CFAP299: variants seen among roughly 807,000 people sequenced by gnomAD.
CFAP299 encodes the protein cilia and flagella associated protein 299.
Under a neutral mutation model 27.0 loss-of-function variants are expected in CFAP299, and 21 were observed. That is an observed-to-expected ratio of 0.78 (90% CI 0.55 to 1.12). The LOEUF is 1.12. Among genes scored for constraint, CFAP299 ranks in the 50% most tolerant of loss-of-function variants. The pLI is 0.00. For missense variants in CFAP299, 310 were observed against 276.6 expected, an observed-to-expected ratio of 1.12 and a Z score of -0.86; for synonymous variants, 104 against 98.1, an observed-to-expected ratio of 1.06 and a Z score of -0.36.
At chr4:80,476,401 A>G (rs1578488685) in intron 2 of CFAP299, among the ~76,000 whole-genome samples, 1 of 152,124 alleles carries the variant, frequency 6.6e-6, no homozygotes, top group East Asian at 1.9e-4. Flanking sequence ...TAGTGGCTGC[A>G]GTGGGGAGAG....
intron 3 of CFAP299, among the ~76,000 whole-genome samples, chr4:80,740,662 G>A (rs528106099): frequency 6.6e-6 from 1 of 152,280 alleles, no homozygotes; most frequent in African/African-American, 2.4e-5. Flanking sequence ...TGCTCGTTAG[G>A]AGCCAGGAAT....
At chr4:80,626,866 G>T (rs1191915049) in intron 3 of CFAP299, among the ~76,000 whole-genome samples, 1 of 151,220 alleles carries the variant, frequency 6.6e-6, no homozygotes, top group Non-Finnish European at 1.5e-5. Flanking sequence ...TCCTATCAAA[G>T]AAGAGTCTGG....
chr4:80,569,995 AAAAG>A (rs148097757), intron 2 of CFAP299, among the ~76,000 whole-genome samples: 4,380 of 152,132 alleles, frequency 0.029, 89 homozygotes, highest in Middle Eastern at 0.059. Flanking sequence ...GACATTTTGA[AAAAG>A]AAAGGATAAG....
intron 3 of CFAP299, among the ~76,000 whole-genome samples, chr4:80,784,137 T>C (rs542207135): frequency 6.6e-6 from 1 of 152,314 alleles, no homozygotes; most frequent in African/African-American, 2.4e-5. Context: ...TGTATCTTCA[T>C]TATTGTGAAT....
intron 3 of CFAP299, among the ~76,000 whole-genome samples, chr4:80,684,828 C>A (rs1158505651): frequency 6.6e-6 from 1 of 151,652 alleles, no homozygotes; most frequent in East Asian, 1.9e-4. Context: ...TCTGTATATT[C>A]TCAAGCCTAC....
At chr4:80,860,718 C>G (rs921485321) in intron 3 of CFAP299, among the ~76,000 whole-genome samples, 4 of 152,170 alleles carry the variant, frequency 2.6e-5, no homozygotes, top group African/African-American at 4.8e-5. Context: ...GTCTGCAGAA[C>G]AGTGGTTTTT....
intron 3 of CFAP299, among the ~76,000 whole-genome samples, chr4:80,749,082 T>G (rs1242926303): frequency 1.3e-5 from 2 of 152,200 alleles, no homozygotes; most frequent in Non-Finnish European, 2.9e-5. Context: ...TATATCAGCA[T>G]ATCCTGAGAT....
chr4:80,512,732 G>A (rs1038189989), intron 2 of CFAP299, among the ~76,000 whole-genome samples: 6 of 152,026 alleles, frequency 3.9e-5, no homozygotes, highest in Admixed American at 2.6e-4. Context: ...TGTCAAAAAA[G>A]AGATGATTAA....
At chr4:80,715,419 C>T (rs1481230866) in intron 3 of CFAP299, among the ~76,000 whole-genome samples, 1 of 151,976 alleles carries the variant, frequency 6.6e-6, no homozygotes. Context: ...AATAACAGAT[C>T]AAGCAATACT....
chr4:80,667,145 A>G (rs1208952067), intron 3 of CFAP299, among the ~76,000 whole-genome samples: 2 of 152,190 alleles, frequency 1.3e-5, no homozygotes, highest in African/African-American at 4.8e-5. Flanking sequence ...CTTTATCCCC[A>G]TAAGAAAAGT....
At chr4:80,886,832 C>A (rs1399076571) in intron 4 of CFAP299, among the ~76,000 whole-genome samples, 1 of 151,922 alleles carries the variant, frequency 6.6e-6, no homozygotes, top group Non-Finnish European at 1.5e-5. Flanking sequence ...TTCAAGATAA[C>A]CCAGAGAAGT....
At chr4:80,364,931 A>G (rs1265789063) in intron 2 of CFAP299, among the ~76,000 whole-genome samples, 1 of 152,220 alleles carries the variant, frequency 6.6e-6, no homozygotes, top group East Asian at 1.9e-4. Context: ...TGCAAAGGAC[A>G]TCATCTCATT....
chr4:80,954,795 C>G (rs1028456376), intron 5 of CFAP299, among the ~76,000 whole-genome samples: 1 of 151,618 alleles, frequency 6.6e-6, no homozygotes, highest in Non-Finnish European at 1.5e-5. Flanking sequence ...GTCAGGTGAT[C>G]GAGACCATCC....
intron 3 of CFAP299, among the ~76,000 whole-genome samples, chr4:80,586,540 G>T (rs1736452038): frequency 6.6e-6 from 1 of 152,116 alleles, no homozygotes; most frequent in South Asian, 2.1e-4. Flanking sequence ...AGGAACGACT[G>T]TCCATTTTAA....
At chr4:80,387,061 AGGGGAAGTT>A (rs1427319404) in intron 2 of CFAP299, 4 of 1,423,086 alleles carry the variant, frequency 2.8e-6, no homozygotes, top group Non-Finnish European at 4.0e-6. Context: ...CAGTGTGGGC[AGGGGAAGTT>A]GTGAGTGGCG....
In CFAP299 at chr4:80,869,989, C is replaced by G; in HGVS notation, c.334-4C>G. 1 of 1,607,256 alleles carries G rather than the reference C, an allele frequency of 6.2e-7. No homozygotes were observed. The highest frequency in any genetic ancestry group is 1.1e-5 in the South Asian group (1 of 89,662). On this transcript the variant is annotated splice_polypyrimidine_tract_variant and splice_region_variant and intron_variant, in intron 3 of 5. Transcript: ENST00000358105. Reference sequence around the variant, plus strand: ...TTGTCTTATTCTCTATTCTGTGCTACCAGTCCGTGATCTTTATTCGTGACA... The same window carrying G: ...TTGTCTTATTCTCTATTCTGTGCTAGCAGTCCGTGATCTTTATTCGTGACA...
chr4:80,829,558 A>G (rs1315419895), intron 3 of CFAP299, among the ~76,000 whole-genome samples: 1 of 152,100 alleles, frequency 6.6e-6, no homozygotes, highest in Admixed American at 6.6e-5. Flanking sequence ...CATATGATCC[A>G]GCAATTTGAT....
At chr4:80,341,964 A>G (rs1005943849) in intron 1 of CFAP299, among the ~76,000 whole-genome samples, 3 of 152,214 alleles carry the variant, frequency 2.0e-5, no homozygotes, top group Non-Finnish European at 2.9e-5. Flanking sequence ...ATAGCTGGGT[A>G]AGAGAGGAGC....
At chr4:80,888,848 A>T (rs773805741) in intron 4 of CFAP299, among the ~76,000 whole-genome samples, 1 of 151,892 alleles carries the variant, frequency 6.6e-6, no homozygotes, top group Non-Finnish European at 1.5e-5. Flanking sequence ...CACATTGAAC[A>T]TTAACAATAT....
Sources: gnomAD v4.1 joint callset for allele counts (sites outside exome capture counted in the v4.1 genomes callset) on GRCh38, gnomAD v4.1.1 for gene constraint, MANE v1.5 for transcripts, NCBI Gene and HGNC (gene_info 2026-07-23, HGNC 2026-07-21) for gene names.